PCDH11Y: variants seen among roughly 807,000 people sequenced by gnomAD.
PCDH11Y encodes the protein protocadherin-11 Y-linked.
For synonymous variants in PCDH11Y, 9 were observed against 83.6 expected (o/e 0.11, Z 4.87); for missense variants, 12 against 224.8 (o/e 0.05, Z 6.05).
chrY:5,134,560 T>C, intron 2 of PCDH11Y, among the ~76,000 whole-genome samples: 1 of 31,864 alleles, frequency 3.1e-5, no homozygotes. Context: ...GAAGTGATGT[T>C]GCATTTTATC....
intron 2 of PCDH11Y, among the ~76,000 whole-genome samples, chrY:5,190,132 G>A (rs2052910624): frequency 3.1e-5 from 1 of 32,300 alleles, no homozygotes; most frequent in Non-Finnish European, 7.6e-5. Flanking sequence ...TACATTAGAT[G>A]TGCAATTCCC....
chrY:5,076,723 G>A, intron 1 of PCDH11Y, among the ~76,000 whole-genome samples: 1 of 33,233 alleles, frequency 3.0e-5, no homozygotes. Context: ...TTATTTCACT[G>A]TAGTAGTGAG....
chrY:5,602,832 A>G (rs2053473956), intron 4 of PCDH11Y, among the ~76,000 whole-genome samples: 1 of 29,611 alleles, frequency 3.4e-5, no homozygotes, highest in Non-Finnish European at 8.0e-5. Flanking sequence ...AAGAGGAATT[A>G]TGCCACACAA....
chrY:5,577,927 C>T, intron 3 of PCDH11Y, among the ~76,000 whole-genome samples: 1 of 32,656 alleles, frequency 3.1e-5, no homozygotes, highest in Non-Finnish European at 7.5e-5. Context: ...CTTCTCCTTC[C>T]TCCTGCCATG....
chrY:5,272,799 A>T (rs2053038524), intron 2 of PCDH11Y, among the ~76,000 whole-genome samples: 1 of 30,517 alleles, frequency 3.3e-5, no homozygotes, highest in Non-Finnish European at 7.9e-5. Flanking sequence ...TTACCTATTG[A>T]TATAAAGCTT....
chrY:5,053,808 T>A, upstream of PCDH11Y, among the ~76,000 whole-genome samples: 1 of 30,837 alleles, frequency 3.2e-5, no homozygotes, highest in Non-Finnish European at 7.7e-5. Flanking sequence ...AGCAAACTAT[T>A]GCAAGGACAG....
intron 4 of PCDH11Y, among the ~76,000 whole-genome samples, chrY:5,709,798 C>T (rs2124712922): frequency 6.3e-5 from 2 of 31,702 alleles, no homozygotes; most frequent in East Asian, 1.7e-3. Context: ...TTTGGAAGGC[C>T]TTCTGTTCAT....
intron 4 of PCDH11Y, among the ~76,000 whole-genome samples, chrY:5,704,636 A>T: frequency 3.9e-4 from 12 of 30,506 alleles, no homozygotes; most frequent in Non-Finnish European, 9.4e-4. Context: ...TCACTGTGTT[A>T]GCCAGGATGG....
chrY:5,202,328 A>G, intron 2 of PCDH11Y, among the ~76,000 whole-genome samples: 1 of 33,008 alleles, frequency 3.0e-5, no homozygotes, highest in Middle Eastern at 0.014. Context: ...CCTTTATTAA[A>G]CATTTGAATG....
chrY:5,682,637 C>G (rs1602959560), intron 4 of PCDH11Y, among the ~76,000 whole-genome samples: 2 of 29,502 alleles, frequency 6.8e-5, no homozygotes, highest in Non-Finnish European at 1.6e-4. Flanking sequence ...GATTACATTT[C>G]AATGTAAGAT....
At chrY:5,198,427 TG>T (rs2052923459) in intron 2 of PCDH11Y, among the ~76,000 whole-genome samples, 4 of 32,318 alleles carry the variant, frequency 1.2e-4, no homozygotes, top group Admixed American at 1.2e-3. Context: ...GGATTACAGG[TG>T]TGAGCCACCA....
chrY:5,224,014 TC>T (rs2052956829), intron 2 of PCDH11Y, among the ~76,000 whole-genome samples: 1 of 30,867 alleles, frequency 3.2e-5, no homozygotes, highest in Non-Finnish European at 7.7e-5. Flanking sequence ...TCATGAAACT[TC>T]AACCAGAGCA....
At chrY:5,656,059 T>A in intron 4 of PCDH11Y, among the ~76,000 whole-genome samples, 2 of 30,515 alleles carry the variant, frequency 6.6e-5, no homozygotes, top group African/African-American at 2.6e-4. Flanking sequence ...AATTTTGTAT[T>A]TTTTGTAGAG....
chrY:5,536,308 G>A (rs2124692259), intron 3 of PCDH11Y, among the ~76,000 whole-genome samples: 1 of 33,311 alleles, frequency 3.0e-5, no homozygotes, highest in Non-Finnish European at 7.4e-5. Context: ...GATAATTAGT[G>A]ATGTTGAGGC....
At chrY:5,484,984 G>A (rs1602932341) in intron 2 of PCDH11Y, among the ~76,000 whole-genome samples, 1 of 33,227 alleles carries the variant, frequency 3.0e-5, no homozygotes, top group Non-Finnish European at 7.4e-5. Flanking sequence ...TGGGAATTTC[G>A]TCTCCTGCTG....
At chrY:5,202,797 C>T in intron 2 of PCDH11Y, among the ~76,000 whole-genome samples, 2 of 31,602 alleles carry the variant, frequency 6.3e-5, no homozygotes, top group Non-Finnish European at 1.5e-4. Context: ...GTGCTTTTCT[C>T]TGCCTATACT....
At chrY:5,410,096 C>T in intron 2 of PCDH11Y, among the ~76,000 whole-genome samples, 1 of 32,699 alleles carries the variant, frequency 3.1e-5, no homozygotes, top group African/African-American at 1.2e-4. Context: ...GGTTGGGCGC[C>T]GTGGCTCATG....
chrY:5,182,142 G>C, intron 2 of PCDH11Y, among the ~76,000 whole-genome samples: 1 of 33,306 alleles, frequency 3.0e-5, no homozygotes, highest in Non-Finnish European at 7.4e-5. Context: ...TTTTCTGTTT[G>C]TTTTCCTTTT....
intron 2 of PCDH11Y, among the ~76,000 whole-genome samples, chrY:5,443,218 T>G: frequency 9.1e-5 from 3 of 32,942 alleles, no homozygotes; most frequent in Non-Finnish European, 1.5e-4. Flanking sequence ...GGATACTATT[T>G]CATGAACAAG....
Sources: gnomAD v4.1 joint callset for allele counts (sites outside exome capture counted in the v4.1 genomes callset) on GRCh38, gnomAD v4.1.1 for gene constraint, MANE v1.5 for transcripts, NCBI Gene and HGNC (gene_info 2026-07-23, HGNC 2026-07-21) for gene names.